The following SLC27A2 variants were observed in gnomAD, a reference collection of about 807,000 sequenced individuals.
SLC27A2 encodes solute carrier family 27 member 2, also known as long-chain fatty acid transport protein 2.
SLC27A2 carries 54 observed loss-of-function variants against 60.0 expected under a neutral mutation model. That is an observed-to-expected ratio of 0.90 (90% confidence interval 0.72 to 1.13). The LOEUF (loss-of-function observed/expected upper bound fraction) is 1.13, where lower values mean the gene tolerates loss of function less well. SLC27A2 is among the 50% of genes most tolerant of loss of function. The pLI, the probability that SLC27A2 is intolerant of heterozygous loss-of-function variation, is 0.00. For missense variants in SLC27A2, 739 were observed against 777.6 expected (o/e 0.95, Z 0.59); for synonymous variants, 297 against 297.6 (o/e 1.00, Z 0.02).
chr15:50,227,356 G>T (rs189339512), intron 7 of SLC27A2, among the ~76,000 whole-genome samples, 178 bp downstream of exon 7: 9 of 152,332 alleles, frequency 5.9e-5, no homozygotes, highest in Admixed American at 2.6e-4. Flanking sequence ...TCACTCTGCA[G>T]TGCACGGTTA....
intron 3 of SLC27A2, among the ~76,000 whole-genome samples, chr15:50,204,646 T>A (rs1207931134): frequency 6.6e-6 from 1 of 150,690 alleles, no homozygotes; most frequent in African/African-American, 2.4e-5. Flanking sequence ...GGCAGGAGAA[T>A]CACTTGAACC....
At chr15:50,222,831 A>T in intron 4 of SLC27A2, 134 bp from the exon 5 acceptor site, 1 of 718,260 alleles carries the variant, frequency 1.4e-6, no homozygotes, top group Non-Finnish European at 2.2e-6. Flanking sequence ...AGGGGCATTT[A>T]TAACCAACAT....
intron 4 of SLC27A2, among the ~76,000 whole-genome samples, chr15:50,209,853 G>A (rs143523580): frequency 5.4e-4 from 82 of 152,218 alleles, no homozygotes; most frequent in Non-Finnish European, 9.0e-4. Flanking sequence ...AAAACAAGGC[G>A]ATGAGAAAAA....
chr15:50,204,776 T>C (rs1008234945), intron 3 of SLC27A2, among the ~76,000 whole-genome samples: 1 of 149,890 alleles, frequency 6.7e-6, no homozygotes, highest in Non-Finnish European at 1.5e-5. Context: ...CTCAAATATA[T>C]ATATATAAAA....
rs572101895 is a variant in SLC27A2, at chr15:50,190,558, C to T, written c.479-6942C>T. On this transcript the variant is annotated intron_variant, in intron 1 of 9. Transcript: ENST00000267842. ...AAGATTGATTCAGCTCACCACCTAC[C>T]CAATCTCTCTGCCTTCTAGCAATGG... Among the ~76,000 whole-genome samples, 631 of 151,922 alleles carry T rather than the reference C, an allele frequency of 4.2e-3. 2 individuals carry two copies. The highest frequency in any genetic ancestry group is 0.015 in the African/African-American group (603 of 41,438).
chr15:50,205,164 G>A (rs1211194325), intron 3 of SLC27A2, 75 bp from the exon 4 acceptor site: 6 of 1,515,226 alleles, frequency 4.0e-6, no homozygotes, highest in Non-Finnish European at 5.4e-6. Context: ...ACCGTTCAAA[G>A]TTGACAAATT....
chr15:50,191,350 G>A (rs1463369628), intron 1 of SLC27A2, among the ~76,000 whole-genome samples: 1 of 152,210 alleles, frequency 6.6e-6, no homozygotes, highest in Non-Finnish European at 1.5e-5. Flanking sequence ...ACCTCTCCCA[G>A]GACTTCTCCT....
intron 4 of SLC27A2, among the ~76,000 whole-genome samples, chr15:50,206,964 G>A (rs997865988): frequency 7.9e-5 from 12 of 152,260 alleles, no homozygotes; most frequent in Non-Finnish European, 1.2e-4. Context: ...CAGCAGTTCT[G>A]TTCATGTCAT....
chr15:50,186,351 C>T (rs1263176126), intron 1 of SLC27A2, among the ~76,000 whole-genome samples: 1 of 152,182 alleles, frequency 6.6e-6, no homozygotes, highest in Non-Finnish European at 1.5e-5. Context: ...ACCGCCAACC[C>T]TAGGTGATTT....
chr15:50,195,918 G>A (rs1047058218), intron 1 of SLC27A2, among the ~76,000 whole-genome samples: 11 of 149,658 alleles, frequency 7.4e-5, no homozygotes, highest in African/African-American at 2.7e-4. Context: ...AACTGGGCAT[G>A]GTGGCGGGCG....
At chr15:50,215,438 T>C (rs2045188170) in intron 4 of SLC27A2, among the ~76,000 whole-genome samples, 2 of 151,882 alleles carry the variant, frequency 1.3e-5, no homozygotes, top group Admixed American at 1.3e-4. Flanking sequence ...ACCACCATCA[T>C]CCTTCACAGA....
In SLC27A2 at chr15:50,182,242, C is replaced by T. The variant is rs2044858753; in HGVS notation, c.-186C>T. 1.0e-6 allele frequency: 1 copy of T among 986,090 alleles called. No homozygotes were observed. Among genetic ancestry groups the T allele is most frequent in the South Asian group, 3.6e-5 (1 of 27,980 alleles). The allele number at this position is 986,090 out of a possible 1,614,324, so 61.1% of individuals were successfully genotyped here. A position where few individuals can be genotyped will look rare whatever the true frequency, so the allele number is the denominator to read the frequency against. ...CAACGCGCATACGACTACACCTGCT[C>T]CGGAGCCCGCGGCGGTACCTGCAGC... On this transcript the variant is annotated 5_prime_UTR_variant, in exon 1 of 10. Coordinates refer to ENST00000267842, the MANE Select transcript of SLC27A2 (RefSeq NM_003645.4).
chr15:50,230,381 A>T (rs1019983740), intron 8 of SLC27A2, among the ~76,000 whole-genome samples: 9 of 152,066 alleles, frequency 5.9e-5, no homozygotes, highest in Non-Finnish European at 1.0e-4. Flanking sequence ...AGTCTCTACT[A>T]AAAATACAAA....
intron 7 of SLC27A2, 48 bp from the exon 8 acceptor site, chr15:50,228,897 G>A: frequency 7.7e-7 from 1 of 1,300,118 alleles, no homozygotes; most frequent in Non-Finnish European, 1.1e-6. Flanking sequence ...ATTGCAACCT[G>A]GGCCAGAAAC....
intron 5 of SLC27A2, among the ~76,000 whole-genome samples, chr15:50,225,644 G>C (rs1409120676): frequency 1.3e-5 from 2 of 152,144 alleles, no homozygotes; most frequent in Non-Finnish European, 2.9e-5. Context: ...AGGGAAAATT[G>C]CATGGCAATA....
chr15:50,211,401 T>C (rs1365761602), intron 4 of SLC27A2, among the ~76,000 whole-genome samples: 1 of 152,084 alleles, frequency 6.6e-6, no homozygotes, highest in Non-Finnish European at 1.5e-5. Context: ...GCAGTTCGGC[T>C]CACAGGAGCC....
intron 4 of SLC27A2, among the ~76,000 whole-genome samples, chr15:50,215,805 C>T (rs1170976517): frequency 6.6e-6 from 1 of 152,160 alleles, no homozygotes; most frequent in Non-Finnish European, 1.5e-5. Flanking sequence ...TTATACAAAA[C>T]TCAACTCAAG....
chr15:50,231,180 C>A (rs531643342), intron 8 of SLC27A2, among the ~76,000 whole-genome samples: 3 of 141,468 alleles, frequency 2.1e-5, no homozygotes, highest in Non-Finnish European at 4.5e-5. Context: ...GTTTCGCTCT[C>A]GTTGCCCAGG....
At chr15:50,235,813 G>C (rs1040755189) in intron 9 of SLC27A2, 107 bp from the exon 10 acceptor site, 8 of 737,366 alleles carry the variant, frequency 1.1e-5, no homozygotes, top group African/African-American at 8.8e-5. Context: ...CATGAGCCAG[G>C]GATGCTAATG....
Sources: allele counts gnomAD v4.1 joint callset (sites outside exome capture counted in the v4.1 genomes callset), GRCh38; gene constraint gnomAD v4.1.1; transcripts MANE v1.5; gene names NCBI Gene and HGNC (gene_info 2026-07-23, HGNC 2026-07-21).